AANAT: variants seen among roughly 807,000 people sequenced by gnomAD.
The protein encoded by AANAT is aralkylamine N-acetyltransferase.
In AANAT, 11 loss-of-function variants were observed where a neutral mutation model predicts 15.6. That is an observed-to-expected ratio of 0.71 (90% CI 0.44 to 1.17). The LOEUF (loss-of-function observed/expected upper bound fraction) is 1.17. Ranked by LOEUF, AANAT falls within the 50% of genes most tolerant of loss-of-function variation. AANAT has a pLI of 0.00. For missense variants in AANAT, 286 were observed against 296.3 expected (o/e 0.97, Z 0.26); for synonymous variants, 139 against 131.5 (o/e 1.06, Z -0.39).
intron 1 of AANAT, among the ~76,000 whole-genome samples, chr17:76,458,050 G>T (rs2073355992): frequency 6.6e-6 from 1 of 152,132 alleles, no homozygotes; most frequent in South Asian, 2.1e-4. Flanking sequence ...AAGAAAAAAA[G>T]AAAATTATCA....
In AANAT at chr17:76,470,086, A is replaced by C; in HGVS notation, c.*116A>C. 2 of 1,154,844 alleles carry C rather than the reference A, an allele frequency of 1.7e-6. No homozygotes were observed. The highest frequency in any genetic ancestry group is 2.3e-6 in the Non-Finnish European group (2 of 860,424). 71.5% of individuals were successfully genotyped at this position (1,154,844 alleles called of 1,614,324 possible). A position where few individuals can be genotyped will look rare whatever the true frequency, so the allele number is the denominator to read the frequency against. ...AGAGTGGAGAGAGCAGGGCTAAATAAAGAGGAGATAAGGTGGCTTCTCACG... is the reference window on the plus strand; with the variant it reads ...AGAGTGGAGAGAGCAGGGCTAAATACAGAGGAGATAAGGTGGCTTCTCACG... On this transcript the variant is annotated 3_prime_UTR_variant, in exon 4 of 4. Coordinates refer to ENST00000392492, the MANE Select transcript of AANAT (RefSeq NM_001088.3).
At chr17:76,468,110 C>T (rs1478040932) in intron 1 of AANAT, among the ~76,000 whole-genome samples, 2 of 152,208 alleles carry the variant, frequency 1.3e-5, no homozygotes, top group East Asian at 3.9e-4. Context: ...TAAGGGCCCA[C>T]TTTGATTAAG....
chr17:76,469,746 G>C lies in AANAT; in HGVS notation c.400G>C (p.Gly134Arg), dbSNP rs1391815772. ...CGTGCACCGCGCCTTCCGGCAGCAG[G>C]GCAGGGGCCCCATCCTGCTGTGGCG... ...LAVHRAFRQQ[G>R]RGPILLWRYL... The change falls in exon 4 of 4, where the codon GGC (glycine) becomes CGC (arginine). Residue 134 changes from glycine (G) to arginine (R), a missense_variant. By Grantham distance (125) the Gly-to-Arg change is moderately radical. Transcript: ENST00000392492. This position sits in a 1 kb window ranked among gnomAD's most constrained non-coding sequence, Gnocchi z 5.2. 1 of 1,567,104 alleles carries C rather than the reference G, an allele frequency of 6.4e-7. No individual in the cohort carries two copies. The highest frequency in any genetic ancestry group is 8.6e-7 in the Non-Finnish European group (1 of 1,156,414).
At chr17:76,454,267 G>A (rs1195160367) in intron 1 of AANAT, among the ~76,000 whole-genome samples, 1 of 151,074 alleles carries the variant, frequency 6.6e-6, no homozygotes, top group Non-Finnish European at 1.5e-5. Flanking sequence ...ACGAGGTCAA[G>A]AGATTGAGAC....
chr17:76,464,274 G>A (rs565709220), upstream of AANAT, among the ~76,000 whole-genome samples: 13 of 151,980 alleles, frequency 8.6e-5, no homozygotes, highest in South Asian at 2.1e-3. Context: ...CCTGGGAGGC[G>A]GAGGTTGCAG....
At chr17:76,454,322 G>GAAAAAA in intron 1 of AANAT, among the ~76,000 whole-genome samples, 1 of 139,292 alleles carries the variant, frequency 7.2e-6, no homozygotes, top group Non-Finnish European at 1.6e-5. Context: ...TAAAAATACG[G>GAAAAAA]AAAAAAAAAA....
At position 76,469,770 on chromosome 17, in the gene AANAT, C is replaced by A. The variant is rs770306765; in HGVS notation, c.424C>A (p.Arg142Ser). Residue 142 changes from arginine to serine, a missense_variant, in exon 4 of 4, where the codon CGC (arginine) becomes AGC (serine). Arg to Ser is a moderately radical substitution (Grantham distance 110). Coordinates refer to ENST00000392492, the MANE Select transcript of AANAT (RefSeq NM_001088.3). This position sits in a 1 kb window ranked among gnomAD's most constrained non-coding sequence, Gnocchi z 5.2. ...QQGRGPILLW[R>S]YLHHLGSQPA... Reference sequence around the variant, plus strand: ...GGGCAGGGGCCCCATCCTGCTGTGGCGCTACCTGCACCACCTGGGCAGCCA... The same window carrying A: ...GGGCAGGGGCCCCATCCTGCTGTGGAGCTACCTGCACCACCTGGGCAGCCA... 2 of 1,585,458 alleles carry A rather than the reference C, an allele frequency of 1.3e-6. No individual in the cohort carries two copies. The highest frequency in any genetic ancestry group is 3.6e-5 in the Admixed American group (2 of 56,256).
rs1030246742 is a variant in AANAT at position 76,469,439 on chromosome 17, A to G, written c.318+112A>G. 33 of 1,448,218 alleles carry G rather than the reference A, an allele frequency of 2.3e-5. No homozygotes were observed. In the South Asian group the frequency reaches 4.1e-4, roughly 18 times the overall value. The allele number at this position is 1,448,218 out of a possible 1,614,324, so 89.7% of individuals were successfully genotyped here. Reference sequence around the variant, plus strand: ...GGGATTTCTTCCTCCAGAACTGGAGAGATGAGTACAGGCCACAGGCCCCTC... The same window carrying G: ...GGGATTTCTTCCTCCAGAACTGGAGGGATGAGTACAGGCCACAGGCCCCTC... On this transcript the variant is annotated intron_variant, in intron 3 of 3. Transcript: ENST00000392492. This position sits in a 1 kb window ranked among gnomAD's most constrained non-coding sequence, Gnocchi z 5.2.
At chr17:76,465,966 C>CT (rs2073433184), upstream of AANAT, 1 of 572,138 alleles carries the variant, frequency 1.7e-6, no homozygotes, top group Non-Finnish European at 3.2e-6. Context: ...CCTCCCGTCT[C>CT]TGTCTCCCAA....
Position 76,468,700 on chromosome 17 carries a change from G to A in AANAT, c.-47G>A, listed in dbSNP as rs2073468419. The A allele has an allele frequency of 1.9e-6, 3 of 1,576,592 alleles. No homozygotes were observed. Among genetic ancestry groups the A allele is most frequent in the Non-Finnish European group, 2.6e-6 (3 of 1,164,292 alleles). On this transcript the variant is annotated 5_prime_UTR_variant, in exon 2 of 4. Transcript: ENST00000392492. ...CTGGGAGGCCCTCCTTGGCTTAGGA[G>A]GACACTTCCAAAGCTGGGGCGCCCC...
upstream of AANAT, among the ~76,000 whole-genome samples, chr17:76,464,827 C>T (rs1186272411): frequency 6.6e-6 from 1 of 151,328 alleles, no homozygotes; most frequent in African/African-American, 2.4e-5. Flanking sequence ...AGCAGTTTCA[C>T]TCTTTTTGCC....
Position 76,469,478 on chromosome 17 carries a change from T to A in AANAT, c.318+151T>A. On this transcript the variant is annotated intron_variant, in intron 3 of 3. Coordinates refer to ENST00000392492, the MANE Select transcript of AANAT (RefSeq NM_001088.3). The surrounding 1 kb of genome is among the most constrained non-coding windows in gnomAD (Gnocchi z 5.2). ...CACAGGCCCCTCCCAGAGCAAGACC[T>A]TCTGGGTCTTCAAGTTTTCTCCATG... The A allele has an allele frequency of 7.9e-7, 1 of 1,263,850 alleles. No homozygotes were observed. The highest frequency in any genetic ancestry group is 1.1e-6 in the Non-Finnish European group (1 of 928,700). The allele number at this position is 1,263,850 out of a possible 1,614,324, so 78.3% of individuals were successfully genotyped here. A position where few individuals can be genotyped will look rare whatever the true frequency, so the allele number is the denominator to read the frequency against.
At chr17:76,456,070 G>A (rs577881540) in intron 1 of AANAT, among the ~76,000 whole-genome samples, 35 of 150,016 alleles carry the variant, frequency 2.3e-4, no homozygotes, top group African/African-American at 8.1e-4. Context: ...GGTGGCTCAC[G>A]CCTGTAATCC....
rs939485090 is a variant in AANAT at position 76,470,062 on chromosome 17, G to A, written c.*92G>A. 2.1e-5 allele frequency: 27 copies of A among 1,304,758 alleles called. No individual in the cohort carries two copies. Among genetic ancestry groups the A allele is most frequent in the Non-Finnish European group, 2.8e-5 (27 of 981,102 alleles). The allele number at this position is 1,304,758 out of a possible 1,614,324, so 80.8% of individuals were successfully genotyped here. ...GAGCATGGAGACAGCAGTTTCCAGA[G>A]AGTGGAGAGAGCAGGGCTAAATAAA... On this transcript the variant is annotated 3_prime_UTR_variant, in exon 4 of 4. Transcript: ENST00000392492.
chr17:76,469,825 G>T lies in AANAT; in HGVS notation c.479G>T (p.Cys160Phe). The change falls in exon 4 of 4, where the codon TGC (cysteine) becomes TTC (phenylalanine). Residue 160 changes from cysteine to phenylalanine, a missense_variant. By Grantham distance (205) the Cys-to-Phe change is radical. Coordinates refer to ENST00000392492, the MANE Select transcript of AANAT (RefSeq NM_001088.3). This position sits in a 1 kb window ranked among gnomAD's most constrained non-coding sequence, Gnocchi z 5.2. ...QPAVRRAALM[C>F]EDALVPFYER... ...GCCGTGCGCCGGGCCGCGCTCATGT[G>T]CGAGGACGCGCTGGTACCCTTCTAT... 6.2e-7 allele frequency: 1 copy of T among 1,605,008 alleles called. No homozygotes were observed. Among genetic ancestry groups the T allele is most frequent in the South Asian group, 1.1e-5 (1 of 89,608 alleles).
chr17:76,459,822 G>A (rs2073370281), intron 2 of AANAT, among the ~76,000 whole-genome samples: 2 of 152,246 alleles, frequency 1.3e-5, no homozygotes, highest in African/African-American at 4.8e-5. Context: ...GTGAGTGCAT[G>A]ATGGCAGGCC....
In AANAT at chr17:76,469,587, CCCT is replaced by C. The variant is rs2073492740; in HGVS notation, c.319-77_319-75del. Reference sequence around the variant, plus strand: ...CACAGGCACCCAGGGGACACCTGCTCCCTGCCTGGGTTGGTGGTTGGGGGGGAG... The same window carrying C: ...CACAGGCACCCAGGGGACACCTGCTCGCCTGGGTTGGTGGTTGGGGGGGAG... On this transcript the variant is annotated intron_variant, in intron 3 of 3. Transcript: ENST00000392492. This position sits in a 1 kb window ranked among gnomAD's most constrained non-coding sequence, Gnocchi z 5.2. The C allele has an allele frequency of 7.1e-7, 1 of 1,409,230 alleles. No homozygotes were observed. Among genetic ancestry groups the C allele is most frequent in the Non-Finnish European group, 9.3e-7 (1 of 1,076,854 alleles). 87.3% of individuals were successfully genotyped at this position (1,409,230 alleles called of 1,614,324 possible). A position where few individuals can be genotyped will look rare whatever the true frequency, so the allele number is the denominator to read the frequency against.
rs532900383 is a variant in AANAT at position 76,454,323 on chromosome 17, A to G, written c.-576+541A>G. Among the ~76,000 whole-genome samples the G allele has an allele frequency of 1.5e-4, 8 of 53,172 alleles. No homozygotes were observed. The East Asian group carries it at 5.9e-3, about 39-fold the overall frequency. 34.9% of individuals were successfully genotyped at this position (53,172 alleles called of 152,430 possible). A position where few individuals can be genotyped will look rare whatever the true frequency, so the allele number is the denominator to read the frequency against. On this transcript the variant is annotated intron_variant, in intron 1 of 6. Transcript: ENST00000250615. ...AACCCCATCTCTACTAAAAATACGG[A>G]AAAAAAAAAAAAATAGCTGGGCGTG...
At chr17:76,468,569 T>C in intron 1 of AANAT, 103 bp from the exon 2 acceptor site, 4 of 1,034,534 alleles carry the variant, frequency 3.9e-6, no homozygotes, top group Non-Finnish European at 5.5e-6. Flanking sequence ...TTAGGGGCTG[T>C]CTCCACCCCA....
Sources: gnomAD v4.1 joint callset for allele counts (sites outside exome capture counted in the v4.1 genomes callset) on GRCh38, gnomAD v4.1.1 for gene constraint, Gnocchi (gnomAD v3.1) non-coding constraint, MANE v1.5 for transcripts, NCBI Gene and HGNC (gene_info 2026-07-23, HGNC 2026-07-21) for gene names.